The following NBAS variants were observed in gnomAD, a reference collection of about 807,000 sequenced individuals.
NBAS encodes NAG/BC035112 fusion.
NBAS carries 219 observed loss-of-function variants against 302.5 expected under a neutral mutation model. The observed-to-expected ratio is 0.72, with a 90% CI of 0.65 to 0.81. NBAS has a LOEUF of 0.81. Among genes scored for constraint, NBAS ranks in the 30% least tolerant of loss-of-function variants. NBAS has a pLI of 0.00. For synonymous variants in NBAS, 1,118 were observed against 1,021.6 expected (o/e 1.09, Z -1.80); for missense variants, 2,932 against 2,841.6 (o/e 1.03, Z -0.72).
chr2:15,254,749 G>A (rs1051949910), intron 44 of NBAS, among the ~76,000 whole-genome samples: 6 of 152,128 alleles, frequency 3.9e-5, no homozygotes, highest in African/African-American at 9.7e-5. Context: ...TTATGTCTCC[G>A]AGTCCCCATA....
intron 31 of NBAS, among the ~76,000 whole-genome samples, chr2:15,368,871 G>T (rs531053041): frequency 1.3e-5 from 2 of 152,108 alleles, no homozygotes; most frequent in African/African-American, 2.4e-5. Context: ...GTGGTGCTGC[G>T]GCTAACCAAA....
At chr2:15,057,691 C>T in the NBAS span, among the ~76,000 whole-genome samples, 1 of 152,190 alleles carries the variant, frequency 6.6e-6, no homozygotes. Flanking sequence ...GTTTTCCATT[C>T]CTGAGTTACT....
At chr2:14,845,045 G>C in the NBAS span, among the ~76,000 whole-genome samples, 1 of 152,178 alleles carries the variant, frequency 6.6e-6, no homozygotes, top group Non-Finnish European at 1.5e-5. Flanking sequence ...AAGCCCTAGG[G>C]CCATGAGCAA....
the NBAS span, among the ~76,000 whole-genome samples, chr2:14,892,721 T>C: frequency 3.1e-3 from 467 of 152,292 alleles, 3 homozygotes; most frequent in African/African-American, 0.011. Context: ...TAACGTATTA[T>C]GTTTATGGAT....
At chr2:15,196,801 A>G (rs1438718322) in intron 48 of NBAS, among the ~76,000 whole-genome samples, 1 of 151,692 alleles carries the variant, frequency 6.6e-6, no homozygotes, top group Non-Finnish European at 1.5e-5. Flanking sequence ...TTTAACATGC[A>G]TTGTTTTCAT....
chr2:15,144,069 C>A, the NBAS span, among the ~76,000 whole-genome samples: 13,319 of 85,944 alleles, frequency 0.15, 2,187 homozygotes, highest in African/African-American at 0.42. Flanking sequence ...ATATATATAT[C>A]TCCCATTAGT....
intron 38 of NBAS, among the ~76,000 whole-genome samples, chr2:15,312,951 G>A (rs1444687525): frequency 1.3e-5 from 2 of 152,160 alleles, no homozygotes; most frequent in Admixed American, 1.3e-4. Flanking sequence ...CCCCAATGCT[G>A]CTCTACCTGA....
intron 28 of NBAS, among the ~76,000 whole-genome samples, chr2:15,390,438 A>C (rs1257596318): frequency 3.3e-5 from 5 of 152,210 alleles, no homozygotes; most frequent in African/African-American, 9.6e-5. Flanking sequence ...GGTTACTATA[A>C]AGGGTTGGAG....
At chr2:14,816,363 C>T in the NBAS span, among the ~76,000 whole-genome samples, 4 of 152,206 alleles carry the variant, frequency 2.6e-5, no homozygotes, top group African/African-American at 7.2e-5. Context: ...TTGCATGCTC[C>T]TTATGAGAAT....
chr2:15,382,293 G>T (rs888916336), intron 29 of NBAS, among the ~76,000 whole-genome samples: 3 of 152,098 alleles, frequency 2.0e-5, no homozygotes, highest in African/African-American at 7.2e-5. Flanking sequence ...CCAGTCAACT[G>T]ACAACTATTT....
the NBAS span, among the ~76,000 whole-genome samples, chr2:14,812,296 T>C: frequency 1.3e-5 from 2 of 152,170 alleles, no homozygotes; most frequent in African/African-American, 4.8e-5. Flanking sequence ...ATAAAACTTG[T>C]CAGTTCCTAC....
At chr2:15,378,917 G>A (rs1188837122) in intron 30 of NBAS, among the ~76,000 whole-genome samples, 1 of 152,036 alleles carries the variant, frequency 6.6e-6, no homozygotes, top group East Asian at 1.9e-4. Flanking sequence ...TTTATTCCTT[G>A]ATCTAGATTT....
At chr2:14,971,343 C>T in the NBAS span, among the ~76,000 whole-genome samples, 343 of 152,028 alleles carry the variant, frequency 2.3e-3, 1 homozygote, top group African/African-American at 7.2e-3. Context: ...GGTGAAACCC[C>T]GTCTCTACTA....
the NBAS span, among the ~76,000 whole-genome samples, chr2:15,092,760 T>C: frequency 6.6e-6 from 1 of 152,306 alleles, no homozygotes; most frequent in South Asian, 2.1e-4. Flanking sequence ...CTATATGAAG[T>C]CGGCTTTAAA....
the NBAS span, among the ~76,000 whole-genome samples, chr2:14,957,087 C>G: frequency 6.6e-6 from 1 of 152,058 alleles, no homozygotes; most frequent in Non-Finnish European, 1.5e-5. Flanking sequence ...AAGGAGAAAA[C>G]AGTCATCTCT....
chr2:15,295,285 A>G (rs1162101568), intron 40 of NBAS, among the ~76,000 whole-genome samples: 2 of 152,222 alleles, frequency 1.3e-5, no homozygotes, highest in South Asian at 2.1e-4. Flanking sequence ...ACATTTCCAC[A>G]GGCTCTTATG....
intron 35 of NBAS, among the ~76,000 whole-genome samples, chr2:15,335,330 C>T (rs1426638631): frequency 6.6e-6 from 1 of 152,110 alleles, no homozygotes; most frequent in Non-Finnish European, 1.5e-5. Context: ...CCCTGACATG[C>T]TGGTAATTAT....
rs143414173 is a variant in NBAS at position 15,385,929 on chromosome 2, C to A, written c.3258-2612G>T. 2.7e-3 allele frequency among the ~76,000 whole-genome samples: 414 copies of A among 152,212 alleles called. 2 individuals carry two copies. Among genetic ancestry groups the A allele is most frequent in the African/African-American group, 9.3e-3 (385 of 41,528 alleles). ...GATGGGGTGGTAGGTAATCTAGCAG[C>A]AATTGCAATGCTTTCCTGCTGAAAA... On this transcript the variant is annotated intron_variant, in intron 28 of 51. Coordinates refer to ENST00000281513, the MANE Select transcript of NBAS (RefSeq NM_015909.4).
the NBAS span, among the ~76,000 whole-genome samples, chr2:15,056,044 G>C: frequency 2.7e-5 from 4 of 150,242 alleles, no homozygotes; most frequent in East Asian, 5.9e-4. Context: ...AATAAACATT[G>C]ACTAAAAAAT....
Sources: gnomAD v4.1 joint callset for allele counts (sites outside exome capture counted in the v4.1 genomes callset) on GRCh38, gnomAD v4.1.1 for gene constraint, MANE v1.5 for transcripts, NCBI Gene and HGNC (gene_info 2026-07-23, HGNC 2026-07-21) for gene names.